KLRG1: variants seen among roughly 807,000 people sequenced by gnomAD.
KLRG1 encodes the protein killer cell lectin like receptor G1.
Under a neutral mutation model 21.8 loss-of-function variants are expected in KLRG1, and 16 were observed. That is an observed-to-expected ratio of 0.73 (90% CI 0.50 to 1.11). The LOEUF is 1.11. Among genes scored for constraint, KLRG1 ranks in the 50% most tolerant of loss-of-function variants. The pLI is 0.00. For missense variants in KLRG1, 173 were observed against 218.3 expected (o/e 0.79, Z 1.31); for synonymous variants, 69 against 75.9 (o/e 0.91, Z 0.47).
the KLRG1 span, among the ~76,000 whole-genome samples, chr12:9,197,841 T>C: frequency 8.7e-6 from 1 of 114,306 alleles, no homozygotes; most frequent in East Asian, 2.2e-4. Context: ...ATACAATATA[T>C]AATATATAAT....
the KLRG1 span, chr12:9,155,971 C>A: frequency 1.2e-5 from 2 of 165,250 alleles, no homozygotes; most frequent in South Asian, 3.3e-4. Flanking sequence ...CATATGGGTT[C>A]ATGTTTTCAC....
chr12:9,075,874 T>C, the KLRG1 span, among the ~76,000 whole-genome samples: 2,427 of 152,264 alleles, frequency 0.016, 68 homozygotes, highest in African/African-American at 0.056. Flanking sequence ...TATGAGAGAG[T>C]TGTACAGTGT....
chr12:8,961,622 T>C (rs1481443258), intron 1 of KLRG1, among the ~76,000 whole-genome samples: 1 of 151,960 alleles, frequency 6.6e-6, no homozygotes, highest in Non-Finnish European at 1.5e-5. Flanking sequence ...AGTTTCACCA[T>C]GTTGGCCAGC....
the KLRG1 span, among the ~76,000 whole-genome samples, chr12:9,143,362 G>A: frequency 1.3e-5 from 2 of 152,232 alleles, no homozygotes; most frequent in African/African-American, 4.8e-5. Flanking sequence ...AGTAACAGGT[G>A]GAGAAGGAGG....
the KLRG1 span, among the ~76,000 whole-genome samples, chr12:9,198,276 C>A: frequency 2.6e-5 from 4 of 151,916 alleles, no homozygotes; most frequent in African/African-American, 9.7e-5. Flanking sequence ...CACATAAGCC[C>A]AGGAGTTTGA....
At chr12:9,119,752 A>G in the KLRG1 span, among the ~76,000 whole-genome samples, 1 of 152,232 alleles carries the variant, frequency 6.6e-6, no homozygotes, top group Non-Finnish European at 1.5e-5. Flanking sequence ...TGCATGCAGC[A>G]GATGTATTAA....
chr12:8,998,297 C>G (rs115893017), intron 3 of KLRG1, among the ~76,000 whole-genome samples: 2,401 of 152,062 alleles, frequency 0.016, 50 homozygotes, highest in African/African-American at 0.054. Context: ...CCACTGCACT[C>G]TAGCTTAGGC....
At chr12:9,068,927 G>A in the KLRG1 span, 1 of 967,572 alleles carries the variant, frequency 1.0e-6, no homozygotes, top group Non-Finnish European at 1.5e-6. Flanking sequence ...TGTTTTTTGG[G>A]GGAAAAGCTT....
the KLRG1 span, among the ~76,000 whole-genome samples, chr12:9,056,987 G>A: frequency 1.7e-4 from 26 of 152,194 alleles, no homozygotes; most frequent in East Asian, 3.5e-3. Flanking sequence ...TAAGATTTAT[G>A]TATGCCTTTA....
the KLRG1 span, among the ~76,000 whole-genome samples, chr12:9,134,387 C>T: frequency 6.6e-6 from 1 of 152,054 alleles, no homozygotes; most frequent in Non-Finnish European, 1.5e-5. Context: ...CACCAGGTGT[C>T]TTTTTTCTTT....
the KLRG1 span, among the ~76,000 whole-genome samples, chr12:9,021,840 C>G: frequency 6.6e-6 from 1 of 152,196 alleles, no homozygotes; most frequent in African/African-American, 2.4e-5. Context: ...ATGGAGCTGA[C>G]ACCTGCTATT....
the KLRG1 span, among the ~76,000 whole-genome samples, chr12:9,172,508 T>G: frequency 6.6e-6 from 1 of 152,178 alleles, no homozygotes; most frequent in East Asian, 1.9e-4. Context: ...GTAAATGGGC[T>G]AAATGCTCTA....
the KLRG1 span, chr12:9,149,013 C>A: frequency 6.2e-7 from 1 of 1,607,482 alleles, no homozygotes; most frequent in Non-Finnish European, 8.5e-7. Context: ...AAAAGAAAAA[C>A]GTAAGGAGGT....
intron 1 of KLRG1, among the ~76,000 whole-genome samples, chr12:8,977,789 T>TTGATA (rs1277313660): frequency 6.6e-6 from 1 of 152,190 alleles, no homozygotes; most frequent in Non-Finnish European, 1.5e-5. Context: ...CTATTTTGAG[T>TTGATA]TGATAATTTA....
At chr12:8,972,379 G>T (rs971199238) in intron 1 of KLRG1, among the ~76,000 whole-genome samples, 1 of 152,108 alleles carries the variant, frequency 6.6e-6, no homozygotes, top group Non-Finnish European at 1.5e-5. Context: ...GGATGGTCTC[G>T]ATCTCCTAAC....
At chr12:9,021,093 A>G in the KLRG1 span, among the ~76,000 whole-genome samples, 1 of 152,236 alleles carries the variant, frequency 6.6e-6, no homozygotes, top group Non-Finnish European at 1.5e-5. Context: ...ACAGTATAAA[A>G]GATAAAAAAT....
intron 1 of KLRG1, among the ~76,000 whole-genome samples, chr12:8,958,089 G>A (rs1413122687): frequency 6.6e-6 from 1 of 152,084 alleles, no homozygotes; most frequent in Non-Finnish European, 1.5e-5. Flanking sequence ...TTAGAGACAG[G>A]CTCTTGCTAT....
chr12:9,053,778 A>G, the KLRG1 span, among the ~76,000 whole-genome samples: 1 of 152,186 alleles, frequency 6.6e-6, no homozygotes, highest in East Asian at 1.9e-4. Context: ...TAACAACTTG[A>G]ACATTATAAA....
the KLRG1 span, chr12:9,037,071 A>G: frequency 4.1e-5 from 7 of 171,584 alleles, no homozygotes; most frequent in South Asian, 1.4e-4. Flanking sequence ...CACTGCTTCT[A>G]TGTTTGCAAA....
Sources: gnomAD v4.1 joint callset for allele counts (sites outside exome capture counted in the v4.1 genomes callset) on GRCh38, gnomAD v4.1.1 for gene constraint, MANE v1.5 for transcripts, NCBI Gene and HGNC (gene_info 2026-07-23, HGNC 2026-07-21) for gene names.